Variants in TMEM51 observed in about 807,000 individuals in gnomAD.
TMEM51 encodes the protein transmembrane protein 51, also known as chromosome 1 open reading frame 72.
Under a neutral mutation model 13.6 loss-of-function variants are expected in TMEM51, and 8 were observed. The ratio of observed to expected loss-of-function variants is 0.59; its 90% CI spans 0.35 to 1.07. The LOEUF is 1.07. Ranked by LOEUF, TMEM51 falls within the 50% of genes least tolerant of loss-of-function variation. The probability of loss-of-function intolerance (pLI) is 0.02; values close to 1 mark genes in which losing one functional copy is unlikely to be tolerated. For missense variants in TMEM51, 279 were observed against 330.7 expected (o/e 0.84, Z 1.21); for synonymous variants, 147 against 144.4 (o/e 1.02, Z -0.13).
intron 1 of TMEM51, among the ~76,000 whole-genome samples, chr1:15,166,178 TCTC>T (rs774861550): frequency 1.4e-4 from 21 of 152,186 alleles, no homozygotes; most frequent in Non-Finnish European, 2.8e-4. Flanking sequence ...GATAACACCT[TCTC>T]CTCCCATTTG....
intron 1 of TMEM51, among the ~76,000 whole-genome samples, chr1:15,203,124 A>C (rs1284069320): frequency 6.6e-6 from 1 of 152,130 alleles, no homozygotes; most frequent in Non-Finnish European, 1.5e-5. Context: ...CCTGACTTAG[A>C]GCCTTGGCTC....
chr1:15,219,968 G>C lies in TMEM51; in HGVS notation c.*225G>C. 2 of 571,384 alleles carry C rather than the reference G, an allele frequency of 3.5e-6. No individual in the cohort carries two copies. Among genetic ancestry groups the C allele is most frequent in the Non-Finnish European group, 6.2e-6 (2 of 323,102 alleles). 35.4% of individuals were successfully genotyped at this position (571,384 alleles called of 1,614,324 possible). On this transcript the variant is annotated 3_prime_UTR_variant, in exon 4 of 4. Transcript: ENST00000376008. ...GGAAAGAGATGCTGCCTTGGAGCTG[G>C]TGAATCTGTGGACCACATTCAAGGG...
Position 15,214,954 on chromosome 1 carries a change from G to A in TMEM51, c.-134G>A, listed in dbSNP as rs41302003. 1.1e-6 allele frequency: 1 copy of A among 872,542 alleles called. No homozygotes were observed. The highest frequency in any genetic ancestry group is 1.7e-6 in the Non-Finnish European group (1 of 582,996). The allele number at this position is 872,542 out of a possible 1,614,324, so 54.0% of individuals were successfully genotyped here. On this transcript the variant is annotated 5_prime_UTR_variant, in exon 3 of 4. Coordinates refer to ENST00000376008, the MANE Select transcript of TMEM51 (RefSeq NM_001136218.2). ...CGCGATTGCTCGGAACCATCCCGCA[G>A]GAGTTCAGCTGATATTTTCTAGTGT...
chr1:15,192,183 G>C, intron 1 of TMEM51: 1 of 396,236 alleles, frequency 2.5e-6, no homozygotes, highest in Non-Finnish European at 5.0e-6. Context: ...CGGCTGCAAA[G>C]ATTTCTTCAT....
intron 1 of TMEM51, among the ~76,000 whole-genome samples, chr1:15,189,293 T>C (rs1643881185): frequency 6.9e-6 from 1 of 144,648 alleles, no homozygotes; most frequent in African/African-American, 2.6e-5. Context: ...TGACCTCAGG[T>C]GATCCACCTG....
At chr1:15,185,822 G>A (rs1246136217) in intron 1 of TMEM51, among the ~76,000 whole-genome samples, 3 of 152,218 alleles carry the variant, frequency 2.0e-5, no homozygotes, top group African/African-American at 7.2e-5. Flanking sequence ...CTGTGCAGAG[G>A]TCAGTTTTGA....
intron 1 of TMEM51, among the ~76,000 whole-genome samples, chr1:15,183,416 A>G (rs1643679578): frequency 6.6e-6 from 1 of 152,224 alleles, no homozygotes; most frequent in Non-Finnish European, 1.5e-5. Context: ...GATTCTGCCG[A>G]TTACCAGCTG....
intron 1 of TMEM51, among the ~76,000 whole-genome samples, chr1:15,204,943 G>T (rs555441044): frequency 8.5e-5 from 13 of 152,130 alleles, no homozygotes; most frequent in African/African-American, 1.2e-4. Flanking sequence ...GCCAGAACCT[G>T]GAGAAGGTTC....
chr1:15,160,254 A>G (rs1642729509), intron 1 of TMEM51, among the ~76,000 whole-genome samples: 1 of 152,040 alleles, frequency 6.6e-6, no homozygotes, highest in African/African-American at 2.4e-5. Flanking sequence ...ATATTTGGTG[A>G]GGGAAAATGA....
At chr1:15,178,744 ACT>A (rs1643524320) in intron 1 of TMEM51, among the ~76,000 whole-genome samples, 1 of 151,900 alleles carries the variant, frequency 6.6e-6, no homozygotes, top group Non-Finnish European at 1.5e-5. Flanking sequence ...ATCTCCACTG[ACT>A]CTAACCACCT....
Position 15,207,690 on chromosome 1 carries a change from G to C in TMEM51, c.-266-2800G>C, listed in dbSNP as rs1222249098. Among the ~76,000 whole-genome samples the C allele has an allele frequency of 6.6e-6, 1 of 152,242 alleles. No homozygotes were observed. Among genetic ancestry groups the C allele is most frequent in the Non-Finnish European group, 1.5e-5 (1 of 68,044 alleles). On this transcript the variant is annotated intron_variant, in intron 1 of 3. Transcript: ENST00000376008. The surrounding 1 kb of genome is among the most constrained non-coding windows in gnomAD (Gnocchi z 4.6). Reference sequence around the variant, plus strand: ...GGAAAGAGCCTCTGCCCAGCGTGGAGCGGTGAGGCTAAAGGCTTCCATGTT... The same window carrying C: ...GGAAAGAGCCTCTGCCCAGCGTGGACCGGTGAGGCTAAAGGCTTCCATGTT...
intron 1 of TMEM51, chr1:15,191,886 TTC>T (rs1643928980): frequency 1.1e-5 from 6 of 524,702 alleles, no homozygotes; most frequent in Admixed American, 9.8e-5. Flanking sequence ...ACGTGACCAT[TTC>T]TCTTTTAGCA....
intron 1 of TMEM51, among the ~76,000 whole-genome samples, chr1:15,204,247 C>A (rs1278337751): frequency 1.3e-5 from 2 of 152,212 alleles, no homozygotes; most frequent in Non-Finnish European, 2.9e-5. Context: ...GATTCCAGGG[C>A]TGAGCCTCCA....
chr1:15,176,604 T>C (rs1323509056), intron 1 of TMEM51, among the ~76,000 whole-genome samples: 1 of 152,196 alleles, frequency 6.6e-6, no homozygotes, highest in African/African-American at 2.4e-5. Flanking sequence ...TCCTTGGACA[T>C]GTTCAGGACA....
At chr1:15,211,219 T>G (rs1644333660) in intron 2 of TMEM51, among the ~76,000 whole-genome samples, 1 of 152,196 alleles carries the variant, frequency 6.6e-6, no homozygotes, top group African/African-American at 2.4e-5. Flanking sequence ...TTCCGCCACC[T>G]TGCCCTCCCT....
At chr1:15,166,207 G>A (rs890960446) in intron 1 of TMEM51, among the ~76,000 whole-genome samples, 1 of 152,154 alleles carries the variant, frequency 6.6e-6, no homozygotes, top group Non-Finnish European at 1.5e-5. Flanking sequence ...TTAATGACCT[G>A]TGCTGAAGAC....
chr1:15,192,860 G>A, intron 1 of TMEM51: 1 of 170,536 alleles, frequency 5.9e-6, no homozygotes, highest in South Asian at 1.5e-4. Context: ...GCAGCAGTGG[G>A]AGAAGGAAAT....
intron 1 of TMEM51, among the ~76,000 whole-genome samples, chr1:15,171,546 A>AAAG (rs1313508105): frequency 6.6e-6 from 1 of 152,086 alleles, no homozygotes; most frequent in East Asian, 1.9e-4. Flanking sequence ...CAGTCAGGAG[A>AAAG]AAGAGCTGGA....
intron 1 of TMEM51, among the ~76,000 whole-genome samples, chr1:15,202,236 C>T (rs1054577643): frequency 5.9e-5 from 9 of 152,164 alleles, no homozygotes; most frequent in Admixed American, 2.0e-4. Flanking sequence ...GCGCATAATT[C>T]ACCAAGCGAT....
Sources: allele counts gnomAD v4.1 joint callset (sites outside exome capture counted in the v4.1 genomes callset), GRCh38; gene constraint gnomAD v4.1.1; non-coding constraint Gnocchi (gnomAD v3.1); transcripts MANE v1.5; gene names NCBI Gene and HGNC (gene_info 2026-07-23, HGNC 2026-07-21).